Variants in SYT7 observed in about 807,000 individuals in gnomAD.
The protein encoded by SYT7 is synaptotagmin-7.
SYT7 carries 29 observed loss-of-function variants against 75.1 expected under a neutral mutation model. That is an observed-to-expected ratio of 0.39 (90% CI 0.29 to 0.53). SYT7 has a LOEUF of 0.53. SYT7 is among the 20% of genes least tolerant of loss of function. The pLI is 0.77. For synonymous variants in SYT7, 376 were observed against 401.7 expected (o/e 0.94, Z 0.76); for missense variants, 693 against 953.2 (o/e 0.73, Z 3.59).
At chr11:61,552,682 T>A (rs562263750) in intron 2 of SYT7, among the ~76,000 whole-genome samples, 2 of 152,250 alleles carry the variant, frequency 1.3e-5, no homozygotes, top group Admixed American at 6.5e-5. Context: ...GGGAGCCACC[T>A]ATCTAGGGAG....
Position 61,527,979 on chromosome 11 carries a change from C to A in SYT7, c.1407G>T (p.Lys469Asn). Residue 469 changes from lysine (K) to asparagine (N), a missense_variant, in exon 9 of 13, where the codon AAG (lysine) becomes AAT (asparagine). Coordinates refer to ENST00000539008, the MANE Select transcript of SYT7 (RefSeq NM_001365809.2). ...TCTTCCGCTTCACCTTGGTCTCCAG[C>A]TTGTGCTTCTTGTCGGGCAGCAGGT... ...KIYLLPDKKH[K>N]LETKVKRKNL... 6.2e-7 allele frequency: 1 copy of A among 1,614,166 alleles called. No homozygotes were observed. Among genetic ancestry groups the A allele is most frequent in the Non-Finnish European group, 8.5e-7 (1 of 1,180,046 alleles).
At position 61,546,063 on chromosome 11, in the gene SYT7, G is replaced by T. The variant is rs746212734; in HGVS notation, c.540C>A (p.Ser180Arg). The change falls in exon 5 of 13, where the codon AGC (serine) becomes AGA (arginine). Residue 180 changes from serine to arginine, a missense_variant. By Grantham distance (110) the Ser-to-Arg change is moderately radical. Around this residue, in one of 2 missense-constraint regions of SYT7, gnomAD observed 487 missense variants for 593.2 expected, o/e 0.82. Coordinates refer to ENST00000539008, the MANE Select transcript of SYT7 (RefSeq NM_001365809.2). The surrounding 1 kb of genome is among the most constrained non-coding windows in gnomAD (Gnocchi z 7.6). ...AGRGRWRTVQSHLAAGKLNLS... is the reference protein window; with the variant it reads ...AGRGRWRTVQRHLAAGKLNLS... Reference sequence around the variant, plus strand: ...AGTTGAGCTTCCCTGCGGCCAGGTGGCTCTGCACCGTCCGCCAGCGGCCTC... The same window carrying T: ...AGTTGAGCTTCCCTGCGGCCAGGTGTCTCTGCACCGTCCGCCAGCGGCCTC... 1.3e-6 allele frequency: 2 copies of T among 1,533,208 alleles called. No individual in the cohort carries two copies. The highest frequency in any genetic ancestry group is 1.2e-5 in the South Asian group (1 of 83,956). The allele number at this position is 1,533,208 out of a possible 1,614,324, so 95.0% of individuals were successfully genotyped here.
rs1385418361 is a variant in SYT7 at position 61,580,121 on chromosome 11, A to C, written c.31+669T>G. Among the ~76,000 whole-genome samples the C allele has an allele frequency of 6.6e-6, 1 of 151,242 alleles. No individual in the cohort carries two copies. Among genetic ancestry groups the C allele is most frequent in the Admixed American group, 6.6e-5 (1 of 15,192 alleles). ...GCCCTCCCCCACCCCAGGACGGGAGAGAGTTTGGGGTTGTTTGCTTCCCCC... is the reference window on the plus strand; with the variant it reads ...GCCCTCCCCCACCCCAGGACGGGAGCGAGTTTGGGGTTGTTTGCTTCCCCC... On this transcript the variant is annotated intron_variant, in intron 1 of 12. Transcript: ENST00000539008. This position sits in a 1 kb window ranked among gnomAD's most constrained non-coding sequence, Gnocchi z 6.1.
At chr11:61,575,685 G>A (rs546635683) in intron 1 of SYT7, among the ~76,000 whole-genome samples, 3 of 152,294 alleles carry the variant, frequency 2.0e-5, no homozygotes, top group African/African-American at 4.8e-5. Context: ...GCCTGGCCAG[G>A]TACAGGGCCG....
chr11:61,577,806 C>T (rs1403845243), intron 1 of SYT7, among the ~76,000 whole-genome samples: 1 of 152,196 alleles, frequency 6.6e-6, no homozygotes, highest in Non-Finnish European at 1.5e-5. Flanking sequence ...CCTTCAGGAC[C>T]TAACCTCTGT....
At chr11:61,544,914 G>A (rs1290805337) in intron 5 of SYT7, among the ~76,000 whole-genome samples, 1 of 152,206 alleles carries the variant, frequency 6.6e-6, no homozygotes, top group African/African-American at 2.4e-5. Context: ...CCAATGGCAG[G>A]AACCACAGGT....
chr11:61,542,732 C>T lies in SYT7; in HGVS notation c.573-153G>A, dbSNP rs1055784167. 9.2e-5 allele frequency among the ~76,000 whole-genome samples: 14 copies of T among 152,182 alleles called. No homozygotes were observed. The highest frequency in any genetic ancestry group is 2.9e-4 in the African/African-American group (12 of 41,434). ...CCTCCATCGGAGCTGTCGCCACCGCCGTCGCCGCCACTGCCTCGCCCAGGA... is the reference window on the plus strand; with the variant it reads ...CCTCCATCGGAGCTGTCGCCACCGCTGTCGCCGCCACTGCCTCGCCCAGGA... On this transcript the variant is annotated intron_variant, in intron 5 of 12. Transcript: ENST00000539008. This position sits in a 1 kb window ranked among gnomAD's most constrained non-coding sequence, Gnocchi z 7.8.
Position 61,542,997 on chromosome 11 carries a change from C to T in SYT7, c.573-418G>A, listed in dbSNP as rs993170670. 1.1e-4 allele frequency among the ~76,000 whole-genome samples: 16 copies of T among 152,330 alleles called. No homozygotes were observed. The highest frequency in any genetic ancestry group is 3.4e-3 in the Middle Eastern group (1 of 294). On this transcript the variant is annotated intron_variant, in intron 5 of 12. Transcript: ENST00000539008. The surrounding 1 kb of genome is among the most constrained non-coding windows in gnomAD (Gnocchi z 7.8). ...GCTGCTGTGGCCCCTCCCGCTATTT[C>T]GCTGGGGGACACCAGGAAAGTCTGC... is the stretch of plus-strand genomic sequence containing the variant.
In SYT7 at chr11:61,514,004, G is replaced by T. The variant is rs1256809160; in HGVS notation, c.*4623C>A. Among the ~76,000 whole-genome samples the T allele has an allele frequency of 6.6e-6, 1 of 152,016 alleles. No individual in the cohort carries two copies. The highest frequency in any genetic ancestry group is 1.5e-5 in the Non-Finnish European group (1 of 68,016). ...CCTTCCAGAAAGCAGCAGTATCCAG[G>T]GGGGGACTCACAGGAGAAAGAAAAC... On this transcript the variant is annotated 3_prime_UTR_variant, in exon 13 of 13. Transcript: ENST00000539008.
chr11:61,581,586 C>T (rs1218057181), upstream of SYT7, among the ~76,000 whole-genome samples: 1 of 152,232 alleles, frequency 6.6e-6, no homozygotes, highest in African/African-American at 2.4e-5. Context: ...GTGCAAAAAC[C>T]AGGAGTGGAA....
chr11:61,555,188 C>T (rs2063460526), intron 2 of SYT7, among the ~76,000 whole-genome samples: 1 of 152,220 alleles, frequency 6.6e-6, no homozygotes, highest in Admixed American at 6.5e-5. Flanking sequence ...AGGTGGTGCC[C>T]TGCTCCCACT....
intron 7 of SYT7, 119 bp downstream of exon 7, chr11:61,538,025 T>G: frequency 7.1e-7 from 1 of 1,416,192 alleles, no homozygotes; most frequent in Non-Finnish European, 9.4e-7. Flanking sequence ...GTCCTTCCGC[T>G]CCAGCATCCG....
chr11:61,580,669 G>T lies in SYT7; in HGVS notation c.31+121C>A. The T allele has an allele frequency of 1.6e-6, 1 of 621,834 alleles. No individual in the cohort carries two copies. Among genetic ancestry groups the T allele is most frequent in the Non-Finnish European group, 2.2e-6 (1 of 445,178 alleles). 38.5% of individuals were successfully genotyped at this position (621,834 alleles called of 1,614,324 possible). A position where few individuals can be genotyped will look rare whatever the true frequency, so the allele number is the denominator to read the frequency against. The stretch of plus-strand genomic sequence containing the variant: ...CCCCCGGGGCTGGGATGACCCCTGG[G>T]GGAGCCCGTGCGGCTCCGGGCGGAC... On this transcript the variant is annotated intron_variant, in intron 1 of 12. Transcript: ENST00000539008. This position sits in a 1 kb window ranked among gnomAD's most constrained non-coding sequence, Gnocchi z 6.1.
chr11:61,532,896 T>G, intron 8 of SYT7, 93 bp downstream of exon 8: 1 of 1,540,160 alleles, frequency 6.5e-7, no homozygotes, highest in Non-Finnish European at 8.8e-7. Flanking sequence ...GCCACTCCCA[T>G]GCTGTTAATC....
chr11:61,524,018 C>T lies in SYT7; in HGVS notation c.1642-77G>A, dbSNP rs1390606245. ...GATTGGCCTAGCTGCCCCCAGGTCC[C>T]CTCTACCCTGACCTTGGTGCTTACC... On this transcript the variant is annotated intron_variant, in intron 10 of 12. Transcript: ENST00000539008. The surrounding 1 kb of genome is among the most constrained non-coding windows in gnomAD (Gnocchi z 4.1). 10 of 1,326,600 alleles carry T rather than the reference C, an allele frequency of 7.5e-6. No homozygotes were observed. The highest frequency in any genetic ancestry group is 1.1e-5 in the Non-Finnish European group (10 of 925,900). The allele number at this position is 1,326,600 out of a possible 1,614,324, so 82.2% of individuals were successfully genotyped here. A position where few individuals can be genotyped will look rare whatever the true frequency, so the allele number is the denominator to read the frequency against.
chr11:61,587,363 C>T, the SYT7 span, among the ~76,000 whole-genome samples: 1 of 152,226 alleles, frequency 6.6e-6, no homozygotes, highest in Admixed American at 6.5e-5. Context: ...TACTCTTCTT[C>T]CCGCCCAGCT....
chr11:61,570,219 G>C lies in SYT7; in HGVS notation c.31+10571C>G, dbSNP rs371760145. On this transcript the variant is annotated intron_variant, in intron 1 of 12. Coordinates refer to ENST00000539008, the MANE Select transcript of SYT7 (RefSeq NM_001365809.2). ...TACTGGTGGGTCCTGTTCCCTTCTG[G>C]GCGATGGGCAACAACAGGAGACAAA... Among the ~76,000 whole-genome samples the C allele has an allele frequency of 1.3e-4, 20 of 152,308 alleles. No individual in the cohort carries two copies. In the South Asian group the frequency reaches 3.7e-3, roughly 28 times the overall value.
the SYT7 span, among the ~76,000 whole-genome samples, chr11:61,586,967 A>G: frequency 6.6e-6 from 1 of 152,178 alleles, no homozygotes; most frequent in Non-Finnish European, 1.5e-5. Context: ...AGGTATTTAA[A>G]GGTTCTTTGA....
At chr11:61,549,416 G>A (rs894561101) in intron 3 of SYT7, among the ~76,000 whole-genome samples, 8 of 152,214 alleles carry the variant, frequency 5.3e-5, no homozygotes, top group Non-Finnish European at 1.2e-4. Context: ...TTAGTTGGCC[G>A]TGAGACCCTT....
Sources: gnomAD v4.1 joint callset for allele counts (sites outside exome capture counted in the v4.1 genomes callset) on GRCh38, gnomAD v4.1.1 for gene constraint, gnomAD v4.1.1 regional missense constraint, Gnocchi (gnomAD v3.1) non-coding constraint, MANE v1.5 for transcripts, NCBI Gene and HGNC (gene_info 2026-07-23, HGNC 2026-07-21) for gene names.